Variants in PRDM16 observed in about 807,000 individuals in gnomAD.
The protein encoded by PRDM16 is histone-lysine N-methyltransferase PRDM16.
In PRDM16, 23 loss-of-function variants were observed where a neutral mutation model predicts 110.6. That is an observed-to-expected ratio of 0.21 (90% CI 0.15 to 0.29). The LOEUF is 0.29. PRDM16 is among the 10% of genes least tolerant of loss of function. The probability of loss-of-function intolerance (pLI) is 1.00; values close to 1 mark genes in which losing one functional copy is unlikely to be tolerated. For synonymous variants in PRDM16, 799 were observed against 781.8 expected, an observed-to-expected ratio of 1.02 and a Z score of -0.37; for missense variants, 1,615 against 1,794.3, an observed-to-expected ratio of 0.90 and a Z score of 1.81.
At chr1:3,146,229 G>GA (rs1384082574) in intron 1 of PRDM16, among the ~76,000 whole-genome samples, 2 of 152,210 alleles carry the variant, frequency 1.3e-5, no homozygotes, top group Non-Finnish European at 2.9e-5. Context: ...AAACGGGGGG[G>GA]CCCGCTAACC....
chr1:3,346,310 T>TAGGCTGGG (rs1642362416), intron 3 of PRDM16, among the ~76,000 whole-genome samples: 1 of 152,138 alleles, frequency 6.6e-6, no homozygotes, highest in Non-Finnish European at 1.5e-5. Context: ...CTGTGTGACA[T>TAGGCTGGG]AGGCTGGGGG....
chr1:3,116,578 C>T (rs1206644219), intron 1 of PRDM16, among the ~76,000 whole-genome samples: 1 of 152,194 alleles, frequency 6.6e-6, no homozygotes, highest in Non-Finnish European at 1.5e-5. Flanking sequence ...CTCAGCCCTT[C>T]CTCTCTCCCC....
chr1:3,100,134 C>T (rs1463136063), intron 1 of PRDM16, among the ~76,000 whole-genome samples: 1 of 152,118 alleles, frequency 6.6e-6, no homozygotes, highest in Admixed American at 6.5e-5. Context: ...GAAGGAAGGG[C>T]CCTGCCCTCC....
chr1:3,316,291 T>TGGGGGGGGGGGG, intron 3 of PRDM16, among the ~76,000 whole-genome samples: 1 of 4,192 alleles, frequency 2.4e-4, no homozygotes, highest in Non-Finnish European at 4.9e-4. Context: ...GGGGTGGGGG[T>TGGGGGGGGGGGG]GGGGGTGGGG....
chr1:3,391,603 G>C (rs927917171), intron 4 of PRDM16, among the ~76,000 whole-genome samples: 2 of 152,208 alleles, frequency 1.3e-5, no homozygotes, highest in Non-Finnish European at 2.9e-5. Flanking sequence ...GGGTCGCTGG[G>C]ATGGTGACGG....
intron 3 of PRDM16, among the ~76,000 whole-genome samples, chr1:3,249,806 A>G (rs1480115629): frequency 6.6e-6 from 1 of 152,250 alleles, no homozygotes; most frequent in Admixed American, 6.5e-5. Flanking sequence ...GGTTGCTGAT[A>G]AAAGAATCGG....
intron 1 of PRDM16, among the ~76,000 whole-genome samples, chr1:3,174,933 C>CA (rs1265543520): frequency 1.3e-5 from 2 of 152,160 alleles, no homozygotes; most frequent in African/African-American, 4.8e-5. Context: ...TCAGTGCTAT[C>CA]AATCTGCTGT....
chr1:3,239,134 G>C (rs780095128), intron 2 of PRDM16, among the ~76,000 whole-genome samples: 1 of 152,204 alleles, frequency 6.6e-6, no homozygotes, highest in Non-Finnish European at 1.5e-5. Flanking sequence ...ATTTGGAAAA[G>C]AAAATTAAGA....
chr1:3,153,893 C>T (rs1450406277), intron 1 of PRDM16, among the ~76,000 whole-genome samples: 6 of 152,206 alleles, frequency 3.9e-5, no homozygotes, highest in African/African-American at 1.2e-4. Flanking sequence ...CAAATTAATA[C>T]GTGCATATCT....
At position 3,412,296 on chromosome 1, in the gene PRDM16, C is replaced by G; in HGVS notation, c.2099C>G (p.Ala700Gly). 6.2e-7 allele frequency: 1 copy of G among 1,613,710 alleles called. No individual in the cohort carries two copies. The highest frequency in any genetic ancestry group is 8.5e-7 in the Non-Finnish European group (1 of 1,180,034). ...GDSIKAIASI[A>G]EKYFGPGFMG... ...TCCATCAAGGCCATCGCATCCATTG[C>G]CGAGAAGTACTTTGGCCCCGGCTTC... Residue 700 changes from alanine to glycine, a missense_variant, in exon 9 of 17, where the codon GCC becomes GGC. Physicochemically the swap from Ala to Gly is moderately conservative, Grantham distance 60. Coordinates refer to ENST00000270722, the MANE Select transcript of PRDM16 (RefSeq NM_022114.4).
intron 3 of PRDM16, among the ~76,000 whole-genome samples, chr1:3,267,572 G>A (rs1640324028): frequency 6.6e-6 from 1 of 152,234 alleles, no homozygotes; most frequent in Non-Finnish European, 1.5e-5. Flanking sequence ...GGAACCTCCA[G>A]ACTGTTTACC....
At chr1:3,183,737 A>G (rs1195421422) in intron 1 of PRDM16, among the ~76,000 whole-genome samples, 1 of 152,236 alleles carries the variant, frequency 6.6e-6, no homozygotes, top group African/African-American at 2.4e-5. Context: ...GGGAAGTAGA[A>G]TTCAAACAGA....
chr1:3,199,751 A>C lies in PRDM16; in HGVS notation c.387+13277A>C, dbSNP rs188297243. ...GGAGCCCCAGCTGCACTCGAGCCCC[A>C]AGGGGCCCTCCGGGACAGGACGCCA... is the stretch of plus-strand genomic sequence containing the variant. On this transcript the variant is annotated intron_variant, in intron 2 of 16. Transcript: ENST00000270722. 5.2e-3 allele frequency among the ~76,000 whole-genome samples: 792 copies of C among 152,266 alleles called. 9 individuals are homozygous for C. Among genetic ancestry groups the C allele is most frequent in the African/African-American group, 0.018 (748 of 41,568 alleles).
chr1:3,141,472 G>A (rs1048390212), intron 1 of PRDM16, among the ~76,000 whole-genome samples: 7 of 152,158 alleles, frequency 4.6e-5, no homozygotes, highest in Non-Finnish European at 1.0e-4. Context: ...CATCTCCAAG[G>A]CTCAATAAAT....
At chr1:3,075,869 G>A (rs778402730) in intron 1 of PRDM16, among the ~76,000 whole-genome samples, 1 of 152,194 alleles carries the variant, frequency 6.6e-6, no homozygotes, top group African/African-American at 2.4e-5. Context: ...GCTCATCTGC[G>A]ATCCACCTCG....
chr1:3,296,457 C>T (rs533576250), intron 3 of PRDM16, among the ~76,000 whole-genome samples: 57 of 152,364 alleles, frequency 3.7e-4, no homozygotes, highest in Admixed American at 3.4e-3. Context: ...CCTGGCCTTC[C>T]GGAGCCTGTC....
chr1:3,103,624 T>C (rs56029998), intron 1 of PRDM16, among the ~76,000 whole-genome samples: 8,291 of 152,232 alleles, frequency 0.054, 307 homozygotes, highest in East Asian at 0.076. Context: ...GCCCAGGCCA[T>C]TGGGCATCGC....
chr1:3,417,036 T>C (rs1249445468), intron 10 of PRDM16, among the ~76,000 whole-genome samples: 2 of 152,214 alleles, frequency 1.3e-5, no homozygotes, highest in African/African-American at 4.8e-5. Context: ...CTGTCGCTAT[T>C]GTCAGAGACC....
intron 3 of PRDM16, among the ~76,000 whole-genome samples, chr1:3,378,117 C>A (rs1289446945): frequency 6.6e-6 from 1 of 152,332 alleles, no homozygotes; most frequent in East Asian, 1.9e-4. Flanking sequence ...TTGGCGCTGT[C>A]CCCACCTGGT....
Sources: gnomAD v4.1 joint callset for allele counts (sites outside exome capture counted in the v4.1 genomes callset) on GRCh38, gnomAD v4.1.1 for gene constraint, MANE v1.5 for transcripts, NCBI Gene and HGNC (gene_info 2026-07-23, HGNC 2026-07-21) for gene names.